IL15: variants seen among roughly 807,000 people sequenced by gnomAD.
IL15 encodes the protein interleukin-15.
Under a neutral mutation model 19.6 loss-of-function variants are expected in IL15, and 11 were observed. The observed-to-expected ratio is 0.56, with a 90% CI of 0.35 to 0.93. IL15 has a LOEUF of 0.93. Ranked by LOEUF, IL15 falls within the 40% of genes least tolerant of loss-of-function variation. The pLI is 0.01. For synonymous variants in IL15, 58 were observed against 59.6 expected (o/e 0.97, Z 0.12); for missense variants, 197 against 186.5 (o/e 1.06, Z -0.33).
intron 2 of IL15, among the ~76,000 whole-genome samples, chr4:141,656,518 TG>T (rs1560904325): frequency 2.0e-5 from 3 of 152,182 alleles, no homozygotes; most frequent in African/African-American, 7.2e-5. Context: ...ATTTTTTTTC[TG>T]AAAAGAGCCA....
intron 2 of IL15, among the ~76,000 whole-genome samples, chr4:141,679,452 A>G (rs1230708654): frequency 6.6e-6 from 1 of 152,232 alleles, no homozygotes; most frequent in East Asian, 1.9e-4. Context: ...TAATCAAGTT[A>G]TAAGATTATT....
At position 141,719,440 on chromosome 4, in the gene IL15, T is replaced by G; in HGVS notation, c.-25T>G. ...CCATAGCCAGCTCTTCTTCAATACTTAAGGATTTACCGTGGCTTTGAGTAA... is the reference window on the plus strand; with the variant it reads ...CCATAGCCAGCTCTTCTTCAATACTGAAGGATTTACCGTGGCTTTGAGTAA... On this transcript the variant is annotated 5_prime_UTR_variant, in exon 3 of 8. Coordinates refer to ENST00000320650, the MANE Select transcript of IL15 (RefSeq NM_000585.5). 1 of 873,632 alleles carries G rather than the reference T, an allele frequency of 1.1e-6. No homozygotes were observed. The highest frequency in any genetic ancestry group is 1.4e-5 in the South Asian group (1 of 73,378). 54.1% of individuals were successfully genotyped at this position (873,632 alleles called of 1,614,324 possible).
intron 1 of IL15, among the ~76,000 whole-genome samples, chr4:141,649,522 A>G (rs916848351): frequency 3.9e-5 from 6 of 152,102 alleles, no homozygotes; most frequent in African/African-American, 1.4e-4. Flanking sequence ...ATTAATAAGA[A>G]TTATAAAGAT....
intron 2 of IL15, among the ~76,000 whole-genome samples, chr4:141,658,368 C>G (rs552502203): frequency 2.0e-5 from 3 of 152,026 alleles, no homozygotes; most frequent in South Asian, 4.2e-4. Flanking sequence ...TATAGCAGTG[C>G]GAGAATGGAC....
rs138384036 is a variant in IL15, at chr4:141,702,522, A to T, written c.-99-16844A>T. On this transcript the variant is annotated intron_variant, in intron 2 of 7. Coordinates refer to ENST00000320650, the MANE Select transcript of IL15 (RefSeq NM_000585.5). ...AGGCTTAGTGTGCTGGCTTTCTTGAATGCTGGTTATACTAATAGTGAACTT... is the reference window on the plus strand; with the variant it reads ...AGGCTTAGTGTGCTGGCTTTCTTGATTGCTGGTTATACTAATAGTGAACTT... Among the ~76,000 whole-genome samples the T allele has an allele frequency of 4.2e-3, 634 of 152,292 alleles. 4 individuals are homozygous for T. Among genetic ancestry groups the T allele is most frequent in the African/African-American group, 0.014 (564 of 41,564 alleles).
chr4:141,652,970 G>A (rs1727459960), intron 1 of IL15, among the ~76,000 whole-genome samples: 1 of 152,116 alleles, frequency 6.6e-6, no homozygotes, highest in South Asian at 2.1e-4. Context: ...TAAGAAATGT[G>A]CATCATTACA....
chr4:141,654,952 G>A (rs1352038768), intron 1 of IL15, among the ~76,000 whole-genome samples: 2 of 152,098 alleles, frequency 1.3e-5, no homozygotes, highest in African/African-American at 4.8e-5. Flanking sequence ...AGAGAGAGGA[G>A]CATAACTGGC....
intron 2 of IL15, among the ~76,000 whole-genome samples, chr4:141,664,952 A>G (rs1727920680): frequency 6.6e-6 from 1 of 150,984 alleles, no homozygotes; most frequent in African/African-American, 2.4e-5. Context: ...TTACTGTGTA[A>G]GTTGAGTTCT....
At chr4:141,669,106 A>G (rs968273356) in intron 2 of IL15, among the ~76,000 whole-genome samples, 7 of 152,242 alleles carry the variant, frequency 4.6e-5, no homozygotes, top group African/African-American at 1.4e-4. Context: ...TGATGACAAA[A>G]TAGTCCCTTT....
intron 7 of IL15, 69 bp downstream of exon 7, chr4:141,730,053 G>T: frequency 8.0e-7 from 1 of 1,244,980 alleles, no homozygotes; most frequent in Non-Finnish European, 1.2e-6. Flanking sequence ...AGTCATTCAT[G>T]GACAAGCAGA....
chr4:141,648,774 A>C (rs1727310616), intron 1 of IL15, among the ~76,000 whole-genome samples: 1 of 152,092 alleles, frequency 6.6e-6, no homozygotes. Flanking sequence ...TCATCTTCTA[A>C]ACCTTGGCCT....
chr4:141,715,041 T>C (rs1237923953), intron 2 of IL15: 1 of 152,262 alleles, frequency 6.6e-6, no homozygotes, highest in African/African-American at 2.4e-5. Context: ...GCATCAGCTG[T>C]GTCCAAGGCT....
intron 2 of IL15, among the ~76,000 whole-genome samples, chr4:141,665,434 G>T (rs1014507979): frequency 4.6e-5 from 7 of 151,910 alleles, no homozygotes; most frequent in Non-Finnish European, 7.4e-5. Flanking sequence ...TATATACTAG[G>T]TCTAGTTCCT....
chr4:141,679,486 AT>A (rs1296220136), intron 2 of IL15, among the ~76,000 whole-genome samples: 1 of 152,152 alleles, frequency 6.6e-6, no homozygotes, highest in African/African-American at 2.4e-5. Flanking sequence ...CAATAAAATT[AT>A]TTCTTTGGTT....
At position 141,732,720 on chromosome 4, in the gene IL15, T is replaced by C. The variant is rs377249758; in HGVS notation, c.379-18T>C. Reference sequence around the variant, plus strand: ...TTAATTATAAATTGCCAATTTAATCTCTCTCTATATTTTGCAGAATGTAAC... The same window carrying C: ...TTAATTATAAATTGCCAATTTAATCCCTCTCTATATTTTGCAGAATGTAAC... On this transcript the variant is annotated intron_variant, in intron 7 of 7. Transcript: ENST00000320650. 1.9e-6 allele frequency: 3 copies of C among 1,600,510 alleles called. No individual in the cohort carries two copies. The highest frequency in any genetic ancestry group is 2.5e-6 in the Non-Finnish European group (3 of 1,176,678).
intron 6 of IL15, among the ~76,000 whole-genome samples, chr4:141,728,460 G>A (rs1469886542): frequency 6.6e-6 from 1 of 152,058 alleles, no homozygotes; most frequent in Non-Finnish European, 1.5e-5. Flanking sequence ...TTCTCTATGT[G>A]AGAAAGGAAA....
intron 2 of IL15, among the ~76,000 whole-genome samples, chr4:141,664,599 G>T (rs1410710005): frequency 6.6e-6 from 1 of 152,114 alleles, no homozygotes; most frequent in African/African-American, 2.4e-5. Context: ...TAGCATTTCA[G>T]CTCATAAAAA....
At chr4:141,653,824 C>G (rs1268490646) in intron 1 of IL15, among the ~76,000 whole-genome samples, 4 of 152,148 alleles carry the variant, frequency 2.6e-5, no homozygotes. Flanking sequence ...GACTGCATTC[C>G]TGTTTCCCAG....
At position 141,727,965 on chromosome 4, in the gene IL15, A is replaced by T. The variant is rs374698061; in HGVS notation, c.221A>T (p.Tyr74Phe). ...IQSMHIDATL[Y>F]TESDVHPSCK... ...TCTATGCATATTGATGCTACTTTAT[A>T]TACGGAAAGTGATGTTCACGTGAGT... is the stretch of plus-strand genomic sequence containing the variant. Residue 74 changes from tyrosine to phenylalanine, a missense_variant, in exon 6 of 8, where the codon TAT becomes TTT. Transcript: ENST00000320650. 1 of 1,371,192 alleles carries T rather than the reference A, an allele frequency of 7.3e-7. No individual in the cohort carries two copies. Among genetic ancestry groups the T allele is most frequent in the African/African-American group, 1.5e-5 (1 of 68,838 alleles). The allele number at this position is 1,371,192 out of a possible 1,614,324, so 84.9% of individuals were successfully genotyped here.
Sources: allele counts gnomAD v4.1 joint callset (sites outside exome capture counted in the v4.1 genomes callset), GRCh38; gene constraint gnomAD v4.1.1; transcripts MANE v1.5; gene names NCBI Gene and HGNC (gene_info 2026-07-23, HGNC 2026-07-21).